The following STK3 variants were observed in gnomAD, a reference collection of about 807,000 sequenced individuals.
STK3 encodes the protein serine/threonine-protein kinase 3.
Under a neutral mutation model 58.0 loss-of-function variants are expected in STK3, and 41 were observed. That is an observed-to-expected ratio of 0.71 (90% CI 0.55 to 0.92). STK3 has a LOEUF of 0.92. Ranked by LOEUF, STK3 falls within the 40% of genes least tolerant of loss-of-function variation. The probability of loss-of-function intolerance (pLI) is 0.00; values close to 1 mark genes in which losing one functional copy is unlikely to be tolerated. For missense variants in STK3, 479 were observed against 602.7 expected (o/e 0.79, Z 2.15); for synonymous variants, 170 against 191.0 (o/e 0.89, Z 0.91).
intron 10 of STK3, among the ~76,000 whole-genome samples, chr8:98,520,705 C>T (rs907135274): frequency 6.6e-6 from 1 of 151,828 alleles, no homozygotes; most frequent in Non-Finnish European, 1.5e-5. Flanking sequence ...AAGGCGGCCT[C>T]GAGATGCATC....
intron 6 of STK3, among the ~76,000 whole-genome samples, chr8:98,639,797 C>G (rs764377994): frequency 1.3e-5 from 2 of 152,080 alleles, no homozygotes; most frequent in Non-Finnish European, 2.9e-5. Flanking sequence ...AACAAAGACA[C>G]GCCTTTGTTC....
At chr8:98,376,570 T>C (rs1340038683) in intron 2 of STK3, among the ~76,000 whole-genome samples, 1 of 152,230 alleles carries the variant, frequency 6.6e-6, no homozygotes, top group Admixed American at 6.5e-5. Context: ...TAGATTTATG[T>C]TCTGAGTTAA....
intron 6 of STK3, among the ~76,000 whole-genome samples, chr8:98,650,729 G>A (rs892365563): frequency 5.9e-5 from 9 of 152,172 alleles, no homozygotes; most frequent in Admixed American, 1.3e-4. Flanking sequence ...ACGGAGTCTC[G>A]CTGATTGCTA....
At chr8:98,458,819 C>T (rs1166505207) in intron 10 of STK3, among the ~76,000 whole-genome samples, 1 of 152,188 alleles carries the variant, frequency 6.6e-6, no homozygotes, top group Non-Finnish European at 1.5e-5. Flanking sequence ...CTTCACCTTC[C>T]ACCATGATTG....
chr8:98,690,419 C>A (rs1244244467), intron 6 of STK3, among the ~76,000 whole-genome samples: 1 of 123,850 alleles, frequency 8.1e-6, no homozygotes, highest in Non-Finnish European at 1.6e-5. Flanking sequence ...AGAGCCAAGT[C>A]AAGAATGCAA....
intron 3 of STK3, among the ~76,000 whole-genome samples, chr8:98,860,448 G>C (rs1836888140): frequency 6.6e-6 from 1 of 152,168 alleles, no homozygotes; most frequent in Non-Finnish European, 1.5e-5. Context: ...TGGTGTGCTT[G>C]AAAATCAGAA....
At chr8:98,497,911 T>C (rs549540262) in intron 10 of STK3, among the ~76,000 whole-genome samples, 1 of 152,274 alleles carries the variant, frequency 6.6e-6, no homozygotes, top group East Asian at 1.9e-4. Context: ...CATTTCCATA[T>C]TATTCAGCAA....
At chr8:98,697,880 T>TGTAGATGTCTATTA (rs1563902702) in intron 6 of STK3, among the ~76,000 whole-genome samples, 1 of 152,154 alleles carries the variant, frequency 6.6e-6, no homozygotes, top group Non-Finnish European at 1.5e-5. Context: ...CTATTAGGTC[T>TGTAGATGTCTATTA]GCTTGGTGCA....
chr8:98,461,460 G>C (rs997244772), intron 10 of STK3, among the ~76,000 whole-genome samples: 1 of 152,152 alleles, frequency 6.6e-6, no homozygotes, highest in Non-Finnish European at 1.5e-5. Flanking sequence ...CTTTTAAGTG[G>C]AGCATTTAGA....
intron 3 of STK3, among the ~76,000 whole-genome samples, chr8:98,409,888 C>T (rs1018552949): frequency 6.6e-6 from 1 of 152,144 alleles, no homozygotes; most frequent in Non-Finnish European, 1.5e-5. Flanking sequence ...CCTCGTTGGT[C>T]CCTTCCTCAG....
At chr8:98,361,559 A>AATAC in the STK3 span, among the ~76,000 whole-genome samples, 2 of 152,186 alleles carry the variant, frequency 1.3e-5, no homozygotes, top group African/African-American at 2.4e-5. Context: ...TGAGCATTAC[A>AATAC]ATAAATTGAG....
chr8:98,486,820 T>C (rs1822302121), intron 10 of STK3, among the ~76,000 whole-genome samples: 1 of 152,158 alleles, frequency 6.6e-6, no homozygotes, highest in South Asian at 2.1e-4. Context: ...GTTCCAGGTG[T>C]CGTTTAGTAG....
chr8:98,420,801 A>T (rs1818163690), intron 3 of STK3, among the ~76,000 whole-genome samples: 1 of 152,254 alleles, frequency 6.6e-6, no homozygotes, highest in Non-Finnish European at 1.5e-5. Flanking sequence ...AGCACTCAGC[A>T]ATTGGCACTC....
intron 7 of STK3, among the ~76,000 whole-genome samples, chr8:98,588,464 A>G (rs1292275701): frequency 6.6e-6 from 1 of 151,214 alleles, no homozygotes; most frequent in Non-Finnish European, 1.5e-5. Context: ...CTGCTGAGAG[A>G]TCCGCTGTTA....
chr8:98,371,611 A>C (rs1161935896), exon 3 of STK3: 1 of 152,216 alleles, frequency 6.6e-6, no homozygotes, highest in Non-Finnish European at 1.5e-5. Flanking sequence ...TCCTCAACCA[A>C]AACACTTCCC....
intron 10 of STK3, among the ~76,000 whole-genome samples, chr8:98,467,998 G>A (rs1820616185): frequency 6.6e-6 from 1 of 152,058 alleles, no homozygotes; most frequent in Non-Finnish European, 1.5e-5. Flanking sequence ...AATGAAAGAG[G>A]TTAGCTAAAA....
At chr8:98,577,330 T>C (rs951377305) in intron 8 of STK3, among the ~76,000 whole-genome samples, 1 of 151,842 alleles carries the variant, frequency 6.6e-6, no homozygotes, top group Non-Finnish European at 1.5e-5. Flanking sequence ...CTACTAAAAA[T>C]ACAAAAATTA....
At chr8:98,651,850 G>T (rs989886218) in intron 6 of STK3, 3 of 152,158 alleles carry the variant, frequency 2.0e-5, no homozygotes, top group Non-Finnish European at 4.4e-5. Flanking sequence ...CCAGATCTAC[G>T]TCTGATTGGT....
intron 2 of STK3, among the ~76,000 whole-genome samples, chr8:98,376,682 C>T (rs1290412593): frequency 6.6e-6 from 1 of 152,220 alleles, no homozygotes; most frequent in Non-Finnish European, 1.5e-5. Flanking sequence ...CGTTACTTAA[C>T]TTCCCTCCCA....
Sources: allele counts gnomAD v4.1 joint callset (sites outside exome capture counted in the v4.1 genomes callset), GRCh38; gene constraint gnomAD v4.1.1; transcripts MANE v1.5; gene names NCBI Gene and HGNC (gene_info 2026-07-23, HGNC 2026-07-21).